The following SORL1 variants were observed in gnomAD, a reference collection of about 807,000 sequenced individuals.
SORL1 encodes sortilin-related receptor.
In SORL1, 127 loss-of-function variants were observed where a neutral mutation model predicts 273.7. The ratio of observed to expected loss-of-function variants is 0.46; its 90% CI spans 0.40 to 0.54. SORL1 has a LOEUF of 0.54. Ranked by LOEUF, SORL1 falls within the 20% of genes least tolerant of loss-of-function variation. SORL1 has a pLI of 0.00. For synonymous variants in SORL1, 1,031 were observed against 1,067.4 expected (o/e 0.97, Z 0.66); for missense variants, 2,494 against 2,846.1 (o/e 0.88, Z 2.81).
chr11:121,479,652 G>A (rs183816361), intron 3 of SORL1, among the ~76,000 whole-genome samples: 2 of 152,270 alleles, frequency 1.3e-5, no homozygotes, highest in African/African-American at 4.8e-5. Flanking sequence ...CCTGGGGAAG[G>A]GACCACGCCA....
chr11:121,537,115 A>C (rs1209089571), intron 12 of SORL1, among the ~76,000 whole-genome samples: 1 of 152,180 alleles, frequency 6.6e-6, no homozygotes, highest in Non-Finnish European at 1.5e-5. Context: ...GGGAATGTGC[A>C]CGGCTCTTGA....
chr11:121,478,483 G>T (rs1861317077), intron 3 of SORL1, among the ~76,000 whole-genome samples: 1 of 152,212 alleles, frequency 6.6e-6, no homozygotes, highest in African/African-American at 2.4e-5. Context: ...AACAATGACA[G>T]GTTAAACCAC....
rs150059160 is a variant in SORL1, at chr11:121,501,397, T to C, written c.939+4348T>C. On this transcript the variant is annotated intron_variant, in intron 6 of 47. Coordinates refer to ENST00000260197, the MANE Select transcript of SORL1 (RefSeq NM_003105.6). ...ACTTCCTTCTCCTCCCTGATGCTGG[T>C]AACCACTAACCTAGTATCTTTATGG... 4.8e-3 allele frequency among the ~76,000 whole-genome samples: 732 copies of C among 152,330 alleles called. 5 individuals are homozygous for C. The highest frequency in any genetic ancestry group is 0.017 in the African/African-American group (703 of 41,576).
intron 25 of SORL1, among the ~76,000 whole-genome samples, chr11:121,579,144 A>T (rs571818612): frequency 7.9e-5 from 12 of 152,336 alleles, no homozygotes; most frequent in African/African-American, 2.6e-4. Flanking sequence ...GCAAGCTTGT[A>T]TAAACTCCTG....
chr11:121,554,105 T>C lies in SORL1; in HGVS notation c.2435T>C (p.Ile812Thr). ...TGGTCCGACCTGGCCTTGGACGTCATCCAGGTGAGTCAGCGCTTGGTCTGA... is the reference window on the plus strand; with the variant it reads ...TGGTCCGACCTGGCCTTGGACGTCACCCAGGTGAGTCAGCGCTTGGTCTGA... Reference protein sequence around the residue: ...LYWSDLALDVIQRLCLNGSTG... With the variant: ...LYWSDLALDVTQRLCLNGSTG... Residue 812 changes from isoleucine (I) to threonine (T), a missense_variant, in exon 17 of 48, where the codon ATC becomes ACC. Physicochemically the swap from Ile to Thr is moderately conservative, Grantham distance 89. Around this residue, in one of 3 missense-constraint regions of SORL1, gnomAD observed 1,609 missense variants for 1,816.4 expected, o/e 0.89. Transcript: ENST00000260197. This position sits in a 1 kb window ranked among gnomAD's most constrained non-coding sequence, Gnocchi z 4.6. 6.2e-7 allele frequency: 1 copy of C among 1,613,660 alleles called. No homozygotes were observed. The highest frequency in any genetic ancestry group is 8.5e-7 in the Non-Finnish European group (1 of 1,179,704).
Position 121,591,070 on chromosome 11 carries a change from G to A in SORL1, c.4283G>A (p.Ser1428Asn). 6.2e-7 allele frequency: 1 copy of A among 1,614,248 alleles called. No homozygotes were observed. The highest frequency in any genetic ancestry group is 8.5e-7 in the Non-Finnish European group (1 of 1,180,042). ...TCLPNYYRCS[S>N]GTCVMDTWVC... is the part of the protein sequence containing the mutation. ...CTGCCCAATTACTACCGCTGCAGCA[G>A]TGGGACCTGCGTGATGGACACCTGG... Residue 1428 changes from serine to asparagine, a missense_variant, in exon 31 of 48, where the codon AGT becomes AAT. Physicochemically the swap from Ser to Asn is conservative, Grantham distance 46 (BLOSUM62 1). Coordinates refer to ENST00000260197, the MANE Select transcript of SORL1 (RefSeq NM_003105.6).
At chr11:121,621,612 A>G (rs967825399) in intron 44 of SORL1, among the ~76,000 whole-genome samples, 5 of 152,216 alleles carry the variant, frequency 3.3e-5, no homozygotes, top group African/African-American at 9.6e-5. Context: ...TCAGTGGTCC[A>G]TTGTGGCAAT....
At chr11:121,509,057 CTT>C (rs147132090) in intron 6 of SORL1, among the ~76,000 whole-genome samples, 1 of 151,826 alleles carries the variant, frequency 6.6e-6, no homozygotes, top group Non-Finnish European at 1.5e-5. Flanking sequence ...CTACTCACTA[CTT>C]TTTTTTCCCC....
chr11:121,589,636 G>A (rs918123629), intron 29 of SORL1, among the ~76,000 whole-genome samples: 1 of 152,210 alleles, frequency 6.6e-6, no homozygotes, highest in Non-Finnish European at 1.5e-5. Flanking sequence ...ACCACATTAT[G>A]TATAAGGAAG....
chr11:121,505,148 A>G (rs1861768713), intron 6 of SORL1, among the ~76,000 whole-genome samples: 2 of 151,990 alleles, frequency 1.3e-5, no homozygotes. Context: ...CAATCTTTTC[A>G]GTTTTTAAAA....
At chr11:121,455,981 A>G (rs543165651) in intron 1 of SORL1, among the ~76,000 whole-genome samples, 1 of 148,862 alleles carries the variant, frequency 6.7e-6, no homozygotes, top group African/African-American at 2.5e-5. Flanking sequence ...GGACAGAGTG[A>G]GACTCCATCT....
At chr11:121,606,646 T>C (rs932425937) in intron 35 of SORL1, among the ~76,000 whole-genome samples, 199 bp from the exon 36 acceptor site, 17 of 152,190 alleles carry the variant, frequency 1.1e-4, no homozygotes, top group African/African-American at 4.1e-4. Flanking sequence ...CATGATGTGA[T>C]GTGTGGACGG....
chr11:121,631,110 G>C lies in SORL1; in HGVS notation c.*1547G>C, dbSNP rs1055317100. The stretch of plus-strand genomic sequence containing the variant: ...GGCATCACCTTCTCACAAGTGTTTA[G>C]TTTCTTTTAACCACAAGTATCATTC... On this transcript the variant is annotated 3_prime_UTR_variant, in exon 48 of 48. Coordinates refer to ENST00000260197, the MANE Select transcript of SORL1 (RefSeq NM_003105.6). 7 of 152,836 alleles carry C rather than the reference G, an allele frequency of 4.6e-5. No homozygotes were observed. The highest frequency in any genetic ancestry group is 3.3e-4 in the Admixed American group (5 of 15,294). 9.5% of individuals were successfully genotyped at this position (152,836 alleles called of 1,614,324 possible). A position where few individuals can be genotyped will look rare whatever the true frequency, so the allele number is the denominator to read the frequency against.
At position 121,488,158 on chromosome 11, in the gene SORL1, C is replaced by T; in HGVS notation, c.655C>T (p.Leu219Phe). 1 of 1,614,208 alleles carries T rather than the reference C, an allele frequency of 6.2e-7. No individual in the cohort carries two copies. The highest frequency in any genetic ancestry group is 8.5e-7 in the Non-Finnish European group (1 of 1,180,038). ...LLLHSKASNLLLGFDRSHPNK... is the reference protein window; with the variant it reads ...LLLHSKASNLFLGFDRSHPNK... Reference sequence around the variant, plus strand: ...CCTACACAGTAAGGCCTCCAACCTTCTCTTGGGCTTTGACAGGTCCCACCC... The same window carrying T: ...CCTACACAGTAAGGCCTCCAACCTTTTCTTGGGCTTTGACAGGTCCCACCC... The change falls in exon 4 of 48, where the codon CTC becomes TTC. Residue 219 changes from leucine to phenylalanine, a missense_variant. Physicochemically the swap from Leu to Phe is conservative, Grantham distance 22. This residue lies in a region of SORL1 where 710 missense variants were observed against 882.5 expected (regional missense o/e 0.80). Coordinates refer to ENST00000260197, the MANE Select transcript of SORL1 (RefSeq NM_003105.6).
intron 3 of SORL1, 79 bp downstream of exon 3, chr11:121,478,322 AG>A: frequency 6.7e-7 from 1 of 1,482,840 alleles, no homozygotes; most frequent in South Asian, 1.2e-5. Context: ...AGGGGGTGCT[AG>A]GAGATGGCGC....
chr11:121,464,512 C>T (rs1212750490), intron 1 of SORL1, among the ~76,000 whole-genome samples: 1 of 152,078 alleles, frequency 6.6e-6, no homozygotes, highest in Non-Finnish European at 1.5e-5. Context: ...TTGACTTCCT[C>T]CCCTCTATTT....
intron 43 of SORL1, 112 bp downstream of exon 43, chr11:121,620,029 G>C: frequency 1.2e-6 from 1 of 839,160 alleles, no homozygotes; most frequent in Non-Finnish European, 2.0e-6. Flanking sequence ...GGTTTCTGGC[G>C]CTCAGCAGGA....
intron 3 of SORL1, among the ~76,000 whole-genome samples, chr11:121,486,541 A>G (rs189471750): frequency 0.022 from 3,239 of 146,544 alleles, 75 homozygotes; most frequent in Middle Eastern, 0.054. Context: ...GTGTAGTGGC[A>G]CGCTCTTGGC....
chr11:121,463,079 T>A (rs953594857), intron 1 of SORL1, among the ~76,000 whole-genome samples: 4 of 152,164 alleles, frequency 2.6e-5, no homozygotes, highest in African/African-American at 9.7e-5. Context: ...GGGTGCGCTC[T>A]CTTGAGGGGG....
Sources: gnomAD v4.1 joint callset for allele counts (sites outside exome capture counted in the v4.1 genomes callset) on GRCh38, gnomAD v4.1.1 for gene constraint, gnomAD v4.1.1 regional missense constraint, Gnocchi (gnomAD v3.1) non-coding constraint, MANE v1.5 for transcripts, NCBI Gene and HGNC (gene_info 2026-07-23, HGNC 2026-07-21) for gene names.